Variants in NELL1 observed in about 807,000 individuals in gnomAD.
NELL1 encodes the protein protein kinase C-binding protein NELL1.
Under a neutral mutation model 107.4 loss-of-function variants are expected in NELL1, and 76 were observed. The ratio of observed to expected loss-of-function variants is 0.71; its 90% CI spans 0.59 to 0.86. NELL1 has a LOEUF of 0.86. Among genes scored for constraint, NELL1 ranks in the 40% least tolerant of loss-of-function variants. The pLI is 0.00. For synonymous variants in NELL1, 353 were observed against 341.2 expected (o/e 1.03, Z -0.38); for missense variants, 1,024 against 1,005.5 (o/e 1.02, Z -0.25).
chr11:20,715,380 G>A (rs1261421275), intron 2 of NELL1, among the ~76,000 whole-genome samples: 1 of 151,596 alleles, frequency 6.6e-6, no homozygotes. Context: ...TTCCTATACA[G>A]GTACTATTTT....
At chr11:20,788,762 T>C (rs1240104603) in intron 3 of NELL1, among the ~76,000 whole-genome samples, 1 of 152,180 alleles carries the variant, frequency 6.6e-6, no homozygotes, top group Non-Finnish European at 1.5e-5. Context: ...TTCAAAGTAA[T>C]GAAGAGTTAC....
intron 13 of NELL1, among the ~76,000 whole-genome samples, chr11:21,176,870 C>A (rs1363053298): frequency 6.6e-6 from 1 of 151,542 alleles, no homozygotes; most frequent in Non-Finnish European, 1.5e-5. Context: ...GTTATTGCAC[C>A]CCAAACTGAT....
intron 14 of NELL1, among the ~76,000 whole-genome samples, chr11:21,280,150 A>C (rs577986952): frequency 3.9e-5 from 6 of 152,314 alleles, no homozygotes; most frequent in African/African-American, 1.4e-4. Flanking sequence ...ATCATTATAC[A>C]TTGGTCCAAA....
intron 4 of NELL1, among the ~76,000 whole-genome samples, chr11:20,874,431 A>G (rs889883940): frequency 6.6e-6 from 1 of 152,190 alleles, no homozygotes; most frequent in Non-Finnish European, 1.5e-5. Flanking sequence ...AGAAGTTTAC[A>G]CCTGGATTTG....
intron 12 of NELL1, among the ~76,000 whole-genome samples, chr11:20,975,101 C>T (rs1375346154): frequency 1.3e-5 from 2 of 152,084 alleles, no homozygotes; most frequent in African/African-American, 4.8e-5. Context: ...CTCCACCTCC[C>T]AGGTTCAAGC....
chr11:21,416,372 A>G (rs1852520824), intron 15 of NELL1, among the ~76,000 whole-genome samples: 1 of 152,116 alleles, frequency 6.6e-6, no homozygotes. Flanking sequence ...CTGGCTTCAT[A>G]AATGGTAGCC....
chr11:20,985,031 T>C (rs1306229496), intron 12 of NELL1, among the ~76,000 whole-genome samples: 1 of 152,306 alleles, frequency 6.6e-6, no homozygotes, highest in East Asian at 1.9e-4. Context: ...CTGAAAAATA[T>C]GTAAAATAAT....
At chr11:20,745,032 C>CT (rs1406235258) in intron 2 of NELL1, among the ~76,000 whole-genome samples, 2 of 152,126 alleles carry the variant, frequency 1.3e-5, no homozygotes, top group East Asian at 3.9e-4. Context: ...ACCACATTAC[C>CT]CTATTTTATC....
At chr11:21,344,059 A>G (rs905217276) in intron 14 of NELL1, among the ~76,000 whole-genome samples, 1 of 152,236 alleles carries the variant, frequency 6.6e-6, no homozygotes, top group Non-Finnish European at 1.5e-5. Context: ...GCAAATCAGT[A>G]CATACTAAAT....
intron 2 of NELL1, among the ~76,000 whole-genome samples, chr11:20,766,206 A>G (rs1022971156): frequency 6.6e-6 from 1 of 152,200 alleles, no homozygotes; most frequent in East Asian, 1.9e-4. Context: ...AAGCCCAAAC[A>G]CTGGGCTGGA....
chr11:21,352,554 A>G (rs1045925963), intron 14 of NELL1, among the ~76,000 whole-genome samples: 1 of 152,144 alleles, frequency 6.6e-6, no homozygotes, highest in Admixed American at 6.6e-5. Context: ...CTTAAAACAG[A>G]TTACAAAGGC....
intron 14 of NELL1, among the ~76,000 whole-genome samples, chr11:21,366,396 A>G (rs1851222148): frequency 6.6e-6 from 1 of 152,160 alleles, no homozygotes; most frequent in Non-Finnish European, 1.5e-5. Flanking sequence ...GATTTTAGGC[A>G]GACATGGTCA....
intron 2 of NELL1, among the ~76,000 whole-genome samples, chr11:20,736,676 G>T (rs1260825312): frequency 2.0e-5 from 3 of 151,938 alleles, no homozygotes; most frequent in Admixed American, 2.0e-4. Context: ...ACCATAACAA[G>T]GGATATATTT....
chr11:21,491,813 A>C (rs1220839894), intron 15 of NELL1, among the ~76,000 whole-genome samples: 3 of 152,030 alleles, frequency 2.0e-5, no homozygotes, highest in Non-Finnish European at 4.4e-5. Context: ...CACGATATTG[A>C]TTCTTCCTAC....
At chr11:20,784,566 T>C (rs1409119902) in intron 3 of NELL1, among the ~76,000 whole-genome samples, 3 of 152,020 alleles carry the variant, frequency 2.0e-5, no homozygotes, top group Non-Finnish European at 4.4e-5. Flanking sequence ...ATTATAGAGG[T>C]AGGTAGAAGC....
At position 20,770,669 on chromosome 11, in the gene NELL1, T is replaced by C. The variant is rs904084940; in HGVS notation, c.185-13011T>C. ...AGATTAATGCATGTGATCTAAGAGC[T>C]GATGATGTGCTTTTTAGGACAGTGG... On this transcript the variant is annotated intron_variant, in intron 2 of 19. Coordinates refer to ENST00000357134, the MANE Select transcript of NELL1 (RefSeq NM_006157.5). 3.9e-5 allele frequency among the ~76,000 whole-genome samples: 6 copies of C among 152,172 alleles called. No individual in the cohort carries two copies. The East Asian group carries it at 9.6e-4, about 24-fold the overall frequency.
intron 13 of NELL1, among the ~76,000 whole-genome samples, chr11:21,212,983 A>G (rs1019801748): frequency 6.6e-6 from 1 of 152,244 alleles, no homozygotes; most frequent in East Asian, 1.9e-4. Context: ...AAAATGTTGT[A>G]GAACTAATAA....
intron 15 of NELL1, among the ~76,000 whole-genome samples, chr11:21,453,559 GT>G (rs77958405): frequency 6.7e-6 from 1 of 150,162 alleles, no homozygotes; most frequent in Non-Finnish European, 1.5e-5. Context: ...ATTAGGTCTT[GT>G]TTTTTTTTCT....
chr11:21,191,393 G>A (rs1857045759), intron 13 of NELL1, among the ~76,000 whole-genome samples: 1 of 151,672 alleles, frequency 6.6e-6, no homozygotes, highest in Admixed American at 6.6e-5. Flanking sequence ...TCTAGAAGCT[G>A]GAGAAGTCAA....
Sources: gnomAD v4.1 joint callset for allele counts (sites outside exome capture counted in the v4.1 genomes callset) on GRCh38, gnomAD v4.1.1 for gene constraint, MANE v1.5 for transcripts, NCBI Gene and HGNC (gene_info 2026-07-23, HGNC 2026-07-21) for gene names.